Variants in TASOR observed in about 807,000 individuals in gnomAD.
TASOR encodes the protein protein TASOR.
A neutral mutation model predicts 178.6 loss-of-function variants in TASOR; 53 were observed. The ratio of observed to expected loss-of-function variants is 0.30; its 90% CI spans 0.24 to 0.37. TASOR has a LOEUF of 0.37. TASOR is among the 10% of genes least tolerant of loss of function. The pLI, the probability that TASOR is intolerant of heterozygous loss-of-function variation, is 1.00. For synonymous variants in TASOR, 713 were observed against 696.2 expected, an observed-to-expected ratio of 1.02 and a Z score of -0.38; for missense variants, 1,815 against 1,971.4, an observed-to-expected ratio of 0.92 and a Z score of 1.50.
chr3:56,669,094 G>C (rs1443047455), intron 5 of TASOR, among the ~76,000 whole-genome samples: 1 of 151,216 alleles, frequency 6.6e-6, no homozygotes, highest in Non-Finnish European at 1.5e-5. Flanking sequence ...CAAGTAAATA[G>C]AAACTCCATT....
Position 56,657,608 on chromosome 3 carries a change from TG to T in TASOR, c.1368+3122del, listed in dbSNP as rs563993843. On this transcript the variant is annotated intron_variant, in intron 11 of 23. Transcript: ENST00000683822. ...ATTTTATCTCCCTGAGAGCATCAAGTGGGGTAGATTAAGAGATTACAGCAAA... is the reference window on the plus strand; with the variant it reads ...ATTTTATCTCCCTGAGAGCATCAAGTGGGTAGATTAAGAGATTACAGCAAA... Among the ~76,000 whole-genome samples, 9 of 152,166 alleles carry T rather than the reference TG, an allele frequency of 5.9e-5. No homozygotes were observed. In the South Asian group the frequency reaches 1.9e-3, roughly 32 times the overall value.
chr3:56,631,644 C>T lies in TASOR; in HGVS notation c.3747+1400G>A, dbSNP rs151129478. ...TGTCGCCCAGGCTGGAGTGCACTGG[C>T]GTGATCTCGGCTCACTGCAAGCTCC... On this transcript the variant is annotated intron_variant, in intron 18 of 23. Transcript: ENST00000683822. Among the ~76,000 whole-genome samples the T allele has an allele frequency of 4.6e-3, 676 of 147,396 alleles. 2 individuals carry two copies. Among genetic ancestry groups the T allele is most frequent in the African/African-American group, 0.016 (635 of 39,712 alleles).
chr3:56,678,177 A>ATT (rs533306611), intron 1 of TASOR, among the ~76,000 whole-genome samples: 1,445 of 106,932 alleles, frequency 0.014, 63 homozygotes, highest in South Asian at 0.015. Context: ...CACACTTATG[A>ATT]TTTTTTTTTT....
At chr3:56,637,781 G>A (rs908384251) in intron 17 of TASOR, among the ~76,000 whole-genome samples, 1 of 151,590 alleles carries the variant, frequency 6.6e-6, no homozygotes, top group Non-Finnish European at 1.5e-5. Flanking sequence ...CAAAACTGAA[G>A]GAAAATATAA....
chr3:56,676,202 T>G (rs914910168), intron 1 of TASOR, among the ~76,000 whole-genome samples: 10 of 152,244 alleles, frequency 6.6e-5, no homozygotes, highest in Non-Finnish European at 1.3e-4. Flanking sequence ...TAGCTAGACC[T>G]GTGAGTGCCA....
chr3:56,637,821 A>C (rs2077047452), intron 17 of TASOR, among the ~76,000 whole-genome samples: 1 of 152,180 alleles, frequency 6.6e-6, no homozygotes, highest in South Asian at 2.1e-4. Flanking sequence ...GTAAACAAGA[A>C]AACAATGCCT....
Position 56,621,389 on chromosome 3 carries a change from CA to C in TASOR, c.*1647del. On this transcript the variant is annotated 3_prime_UTR_variant, in exon 24 of 24. Transcript: ENST00000683822. The stretch of plus-strand genomic sequence containing the variant: ...TATATCCAAATGAGGTGGTCTAGTA[CA>C]AGCATTTCTGAAAAAATTTTTGAAT... 1.9e-6 allele frequency: 1 copy of C among 521,026 alleles called. No individual in the cohort carries two copies. 32.3% of individuals were successfully genotyped at this position (521,026 alleles called of 1,614,324 possible).
chr3:56,631,575 T>G (rs1422340049), intron 18 of TASOR, among the ~76,000 whole-genome samples: 1 of 117,548 alleles, frequency 8.5e-6, no homozygotes, highest in Non-Finnish European at 1.7e-5. Context: ...TGTGTGTCTG[T>G]GTTTTTTTGT....
intron 11 of TASOR, among the ~76,000 whole-genome samples, chr3:56,660,487 C>G (rs1451169211): frequency 9.3e-6 from 1 of 107,472 alleles, no homozygotes; most frequent in Non-Finnish European, 1.7e-5. Context: ...AAGACTCCGT[C>G]TCAAAAAAAA....
intron 23 of TASOR, 115 bp downstream of exon 23, chr3:56,624,364 G>C (rs2076752743): frequency 2.1e-6 from 2 of 967,234 alleles, no homozygotes; most frequent in Admixed American, 4.7e-5. Flanking sequence ...TTTCCCTATG[G>C]CTGTTTATAC....
chr3:56,680,580 T>TA (rs397989717), intron 1 of TASOR, among the ~76,000 whole-genome samples: 3 of 151,912 alleles, frequency 2.0e-5, no homozygotes, highest in East Asian at 1.9e-4. Context: ...TGAATTTTTT[T>TA]AATAAAGTTG....
In TASOR at chr3:56,623,364, A is replaced by T. The variant is rs185985978; in HGVS notation, c.4686T>A (p.Asp1562Glu). Reference protein sequence around the residue: ...SPDVQNSLLEDKTYLDSEERT... With the variant: ...SPDVQNSLLEEKTYLDSEERT... ...TCTCTTCAGAATCAAGGTAAGTCTT[A>T]TCTTCTAATAAACTGTTTTGCACAT... Residue 1562 changes from aspartate to glutamate, a missense_variant, in exon 24 of 24, where the codon GAT becomes GAA. By Grantham distance (45) the Asp-to-Glu change is conservative. Around this residue, in one of 5 missense-constraint regions of TASOR, gnomAD observed 278 missense variants for 257.1 expected, o/e 1.08. Transcript: ENST00000683822. 6.2e-7 allele frequency: 1 copy of T among 1,613,674 alleles called. No individual in the cohort carries two copies. The highest frequency in any genetic ancestry group is 8.5e-7 in the Non-Finnish European group (1 of 1,179,956).
Position 56,668,684 on chromosome 3 carries a change from C to T in TASOR, c.736-126G>A. 11 of 745,234 alleles carry T rather than the reference C, an allele frequency of 1.5e-5. No homozygotes were observed. In the South Asian group the frequency reaches 2.3e-4, roughly 15 times the overall value. The allele number at this position is 745,234 out of a possible 1,614,324, so 46.2% of individuals were successfully genotyped here. ...CAACCATTTTTTCCCTTTAATATCT[C>T]ACAGAACAGCTGGGCGCGGTGACTC... On this transcript the variant is annotated intron_variant, in intron 5 of 23. Transcript: ENST00000683822.
intron 17 of TASOR, 78 bp from the exon 18 acceptor site, chr3:56,634,044 A>G: frequency 5.2e-6 from 6 of 1,158,472 alleles, no homozygotes; most frequent in East Asian, 5.2e-5. Flanking sequence ...AAATTGGGGG[A>G]AAAAAGGGTT....
At chr3:56,681,728 GGATA>G (rs1277233553) in intron 1 of TASOR, among the ~76,000 whole-genome samples, 4 of 152,090 alleles carry the variant, frequency 2.6e-5, no homozygotes, top group African/African-American at 9.7e-5. Flanking sequence ...AAAATTTACT[GGATA>G]GTTAAAAAAT....
chr3:56,651,015 C>T (rs2077341300), intron 11 of TASOR, among the ~76,000 whole-genome samples: 1 of 152,182 alleles, frequency 6.6e-6, no homozygotes, highest in Non-Finnish European at 1.5e-5. Flanking sequence ...TAACCTCTCA[C>T]TCACTCCAAA....
intron 11 of TASOR, among the ~76,000 whole-genome samples, chr3:56,653,547 C>G (rs1025526857): frequency 3.3e-5 from 5 of 151,600 alleles, no homozygotes; most frequent in Non-Finnish European, 7.4e-5. Flanking sequence ...AAAATAGAAG[C>G]CATAAGACAC....
At chr3:56,637,066 T>C (rs2107553720) in intron 17 of TASOR, among the ~76,000 whole-genome samples, 1 of 152,098 alleles carries the variant, frequency 6.6e-6, no homozygotes, top group Non-Finnish European at 1.5e-5. Flanking sequence ...TGCATGAAAG[T>C]ACCAAACACG....
chr3:56,633,416 T>C lies in TASOR; in HGVS notation c.3375A>G (p.Ser1125=), dbSNP rs1230250676. The C allele has an allele frequency of 6.2e-7, 1 of 1,614,156 alleles. No homozygotes were observed. Among genetic ancestry groups the C allele is most frequent in the Non-Finnish European group, 8.5e-7 (1 of 1,180,004 alleles). Residue 1125 remains serine (S), a synonymous_variant, in exon 18 of 24, where the codon TCA becomes TCG. Transcript: ENST00000683822. ...GGAGATGTTTATTGTTGAAGTCACT[T>C]GAGGAAACTGGTATGACATGCCTTT... ...PLERHVIPVS[S]SDFNNKHLLE... is the part of the protein sequence containing the mutation.
Sources: allele counts gnomAD v4.1 joint callset (sites outside exome capture counted in the v4.1 genomes callset), GRCh38; gene constraint gnomAD v4.1.1; regional missense constraint gnomAD v4.1.1; transcripts MANE v1.5; gene names NCBI Gene and HGNC (gene_info 2026-07-23, HGNC 2026-07-21).